Variants in SGCZ observed in about 807,000 individuals in gnomAD.
SGCZ encodes sarcoglycan zeta.
Under a neutral mutation model 41.3 loss-of-function variants are expected in SGCZ, and 40 were observed. The ratio of observed to expected loss-of-function variants is 0.97; its 90% CI spans 0.75 to 1.26. The LOEUF is 1.26. Ranked by LOEUF, SGCZ falls within the 50% of genes most tolerant of loss-of-function variation. SGCZ has a pLI of 0.00. For missense variants in SGCZ, 552 were observed against 369.8 expected (o/e 1.49, Z -4.04); for synonymous variants, 206 against 137.5 (o/e 1.50, Z -3.49).
In SGCZ at chr8:14,637,435, A is replaced by G. The variant is rs147003024; in HGVS notation, c.40-82509T>C. The stretch of plus-strand genomic sequence containing the variant: ...CCATCACTCAGATAATGAACATAGT[A>G]CAGAATAGGCGATTTTTCAACCCAC... On this transcript the variant is annotated intron_variant, in intron 1 of 7. Transcript: ENST00000382080. Among the ~76,000 whole-genome samples the G allele has an allele frequency of 2.0e-4, 31 of 151,760 alleles. No individual in the cohort carries two copies. The East Asian group carries it at 5.9e-3, about 29-fold the overall frequency.
chr8:14,113,000 CG>C (rs1319866594), intron 5 of SGCZ, among the ~76,000 whole-genome samples: 1 of 152,010 alleles, frequency 6.6e-6, no homozygotes, highest in Admixed American at 6.6e-5. Context: ...TATTACCTCT[CG>C]AAAGAAGAAA....
At chr8:14,354,039 T>G (rs901010852) in intron 2 of SGCZ, among the ~76,000 whole-genome samples, 5 of 152,080 alleles carry the variant, frequency 3.3e-5, no homozygotes, top group Non-Finnish European at 5.9e-5. Flanking sequence ...GTCTCCTATT[T>G]CATTTTCAGT....
At chr8:15,197,378 C>A (rs1399429425) in intron 1 of SGCZ, among the ~76,000 whole-genome samples, 1 of 152,118 alleles carries the variant, frequency 6.6e-6, no homozygotes, top group African/African-American at 2.4e-5. Context: ...TTCACGAAAA[C>A]TAAGTTTCAT....
rs145490485 is a variant in SGCZ at position 14,584,595 on chromosome 8, T to A, written c.40-29669A>T. The stretch of plus-strand genomic sequence containing the variant: ...CAAATGATTAGGTTACAAAGTAATC[T>A]TATTTTGAGCAAAGATGTCAAAAGT... On this transcript the variant is annotated intron_variant, in intron 1 of 7. Coordinates refer to ENST00000382080, the MANE Select transcript of SGCZ (RefSeq NM_139167.4). 6.1e-3 allele frequency among the ~76,000 whole-genome samples: 930 copies of A among 152,262 alleles called. 11 individuals carry two copies. Among genetic ancestry groups the A allele is most frequent in the African/African-American group, 0.021 (884 of 41,566 alleles).
At chr8:14,401,958 T>C (rs1799088933) in intron 2 of SGCZ, among the ~76,000 whole-genome samples, 1 of 151,678 alleles carries the variant, frequency 6.6e-6, no homozygotes, top group Non-Finnish European at 1.5e-5. Context: ...TGTTGTTTCC[T>C]GACTTTTTAA....
rs117092353 is a variant in SGCZ at position 14,483,398 on chromosome 8, C to T, written c.234+71334G>A. ...CAGCCTGAGCAATACAGTGAGACTCCGTCTCTACAAACAATTTAAAAAATT... is the reference window on the plus strand; with the variant it reads ...CAGCCTGAGCAATACAGTGAGACTCTGTCTCTACAAACAATTTAAAAAATT... On this transcript the variant is annotated intron_variant, in intron 2 of 7. Transcript: ENST00000382080. Among the ~76,000 whole-genome samples the T allele has an allele frequency of 7.3e-4, 111 of 152,162 alleles. 1 individual carries two copies. The East Asian group carries it at 0.015, about 20-fold the overall frequency.
At chr8:14,479,827 C>A (rs1166459859) in intron 2 of SGCZ, among the ~76,000 whole-genome samples, 2 of 149,196 alleles carry the variant, frequency 1.3e-5, no homozygotes, top group Admixed American at 1.3e-4. Flanking sequence ...CTCACTGCAA[C>A]CTCCGCCTCC....
chr8:14,880,421 A>T (rs903319411), intron 1 of SGCZ, among the ~76,000 whole-genome samples: 3 of 152,178 alleles, frequency 2.0e-5, no homozygotes, highest in African/African-American at 7.2e-5. Flanking sequence ...TAGAACTAGA[A>T]ATACCATTTG....
At chr8:14,546,944 C>G (rs1803648144) in intron 2 of SGCZ, among the ~76,000 whole-genome samples, 1 of 151,874 alleles carries the variant, frequency 6.6e-6, no homozygotes, top group Non-Finnish European at 1.5e-5. Context: ...TTTTCATCTG[C>G]CAGAGGGGAT....
chr8:14,147,865 A>T (rs73213553), intron 5 of SGCZ, among the ~76,000 whole-genome samples: 16,186 of 152,176 alleles, frequency 0.11, 1,065 homozygotes, highest in Middle Eastern at 0.21. Context: ...GCATATTCCC[A>T]TACCACAATA....
chr8:14,318,198 G>C (rs1801779330), intron 3 of SGCZ, among the ~76,000 whole-genome samples: 1 of 151,678 alleles, frequency 6.6e-6, no homozygotes. Flanking sequence ...AAGAGGAAAG[G>C]CGGGAAAGGG....
At chr8:14,696,612 A>G (rs1808971459) in intron 1 of SGCZ, among the ~76,000 whole-genome samples, 2 of 152,028 alleles carry the variant, frequency 1.3e-5, no homozygotes, top group African/African-American at 2.4e-5. Context: ...TTCAACATTT[A>G]TCGTTATGAC....
At chr8:15,176,940 G>C (rs1315684145) in intron 1 of SGCZ, among the ~76,000 whole-genome samples, 1 of 152,210 alleles carries the variant, frequency 6.6e-6, no homozygotes, top group Non-Finnish European at 1.5e-5. Context: ...GGCAGAGCTT[G>C]CAGTGAGTAG....
At chr8:14,585,619 T>C (rs1038766646) in intron 1 of SGCZ, among the ~76,000 whole-genome samples, 1 of 152,194 alleles carries the variant, frequency 6.6e-6, no homozygotes, top group African/African-American at 2.4e-5. Flanking sequence ...CAAAGGTTAT[T>C]ATTTTATGAA....
At chr8:14,783,516 T>A (rs1244545526) in intron 1 of SGCZ, among the ~76,000 whole-genome samples, 6 of 151,524 alleles carry the variant, frequency 4.0e-5, no homozygotes, top group Non-Finnish European at 8.8e-5. Flanking sequence ...CAAACTAAAA[T>A]CACTTCTTTT....
chr8:14,756,735 T>G (rs1264817722), intron 1 of SGCZ, among the ~76,000 whole-genome samples: 1 of 152,162 alleles, frequency 6.6e-6, no homozygotes, highest in Non-Finnish European at 1.5e-5. Flanking sequence ...TAAAAAATAT[T>G]AAACCTATTG....
At chr8:14,485,442 T>C (rs977876530) in intron 2 of SGCZ, among the ~76,000 whole-genome samples, 4 of 152,110 alleles carry the variant, frequency 2.6e-5, no homozygotes, top group African/African-American at 9.7e-5. Context: ...TTCACCTTGT[T>C]AGCCAGGATG....
intron 1 of SGCZ, among the ~76,000 whole-genome samples, chr8:15,165,622 T>C (rs1419549946): frequency 2.0e-5 from 3 of 152,218 alleles, no homozygotes; most frequent in African/African-American, 7.2e-5. Context: ...AGTTCAAAAT[T>C]GCTAGGAGTT....
At chr8:15,033,767 G>T (rs1034763849) in intron 1 of SGCZ, among the ~76,000 whole-genome samples, 1 of 152,084 alleles carries the variant, frequency 6.6e-6, no homozygotes, top group South Asian at 2.1e-4. Flanking sequence ...CAGGATTCAG[G>T]TTGTCTCCTG....
Sources: allele counts gnomAD v4.1 joint callset (sites outside exome capture counted in the v4.1 genomes callset), GRCh38; gene constraint gnomAD v4.1.1; transcripts MANE v1.5; gene names NCBI Gene and HGNC (gene_info 2026-07-23, HGNC 2026-07-21).